CCDC6: variants seen among roughly 807,000 people sequenced by gnomAD.
CCDC6 encodes coiled-coil domain containing 6, also known as coiled-coil domain-containing protein 6.
In CCDC6, 20 loss-of-function variants were observed where a neutral mutation model predicts 56.6. The observed-to-expected ratio is 0.35, with a 90% CI of 0.25 to 0.51. CCDC6 has a LOEUF of 0.51. Ranked by LOEUF, CCDC6 falls within the 20% of genes least tolerant of loss-of-function variation. The pLI, the probability that CCDC6 is intolerant of heterozygous loss-of-function variation, is 0.95. For synonymous variants in CCDC6, 241 were observed against 234.4 expected (o/e 1.03, Z -0.26); for missense variants, 367 against 601.1 (o/e 0.61, Z 4.07).
At chr10:59,831,078 A>C (rs1355631204) in intron 3 of CCDC6, among the ~76,000 whole-genome samples, 1 of 152,238 alleles carries the variant, frequency 6.6e-6, no homozygotes, top group East Asian at 1.9e-4. Flanking sequence ...TAACTTGAAC[A>C]GAACTGGAGC....
chr10:59,847,538 T>G (rs1431332235), intron 2 of CCDC6, among the ~76,000 whole-genome samples: 8 of 152,116 alleles, frequency 5.3e-5, no homozygotes. Flanking sequence ...GGGGGTTCAG[T>G]GCACTGCTGC....
chr10:59,832,709 A>G, intron 2 of CCDC6, 56 bp from the exon 3 acceptor site: 1 of 1,573,866 alleles, frequency 6.4e-7, no homozygotes, highest in Non-Finnish European at 8.6e-7. Flanking sequence ...TGCCATGGAA[A>G]CACTGGCTCC....
At chr10:59,801,884 C>T (rs993657787) in intron 7 of CCDC6, among the ~76,000 whole-genome samples, 2 of 152,154 alleles carry the variant, frequency 1.3e-5, no homozygotes, top group African/African-American at 2.4e-5. Context: ...CTTGTTTACT[C>T]TTTTGCACTA....
chr10:59,829,718 C>G (rs947326741), intron 3 of CCDC6, among the ~76,000 whole-genome samples: 1 of 152,096 alleles, frequency 6.6e-6, no homozygotes, highest in South Asian at 2.1e-4. Context: ...AATACACAGA[C>G]AGAAAGTAGA....
In CCDC6 at chr10:59,876,068, G is replaced by C. The variant is rs148692798; in HGVS notation, c.304-23366C>G. On this transcript the variant is annotated intron_variant, in intron 1 of 8. Transcript: ENST00000263102. ...ACACACATACACGAGTGCATGCACA[G>C]ATGTCTTTTTTTTTTTTTTTTTTCA... Among the ~76,000 whole-genome samples the C allele has an allele frequency of 1.6e-3, 14 of 8,522 alleles. 1 individual carries two copies. Among genetic ancestry groups the C allele is most frequent in the African/African-American group, 7.6e-3 (14 of 1,836 alleles). 5.6% of individuals were successfully genotyped at this position (8,522 alleles called of 152,430 possible). A position where few individuals can be genotyped will look rare whatever the true frequency, so the allele number is the denominator to read the frequency against.
At chr10:59,845,120 G>T (rs1474137604) in intron 2 of CCDC6, among the ~76,000 whole-genome samples, 1 of 152,102 alleles carries the variant, frequency 6.6e-6, no homozygotes, top group Non-Finnish European at 1.5e-5. Context: ...ATCGATAGTG[G>T]GGCCTAGTAT....
At chr10:59,874,358 CATATT>C (rs1420193775) in intron 1 of CCDC6, among the ~76,000 whole-genome samples, 14 of 152,124 alleles carry the variant, frequency 9.2e-5, no homozygotes, top group Non-Finnish European at 1.9e-4. Flanking sequence ...TTTTATCAAA[CATATT>C]AAAATTATCA....
intron 2 of CCDC6, among the ~76,000 whole-genome samples, chr10:59,847,253 C>A (rs2071000603): frequency 1.3e-5 from 2 of 149,538 alleles, no homozygotes; most frequent in South Asian, 4.2e-4. Context: ...CAGGGTTTCA[C>A]TATGTTAGCC....
chr10:59,855,820 G>A (rs959892249), intron 1 of CCDC6, among the ~76,000 whole-genome samples: 10 of 152,176 alleles, frequency 6.6e-5, no homozygotes, highest in Admixed American at 5.2e-4. Flanking sequence ...TGTATTCACA[G>A]AGGACCAGTT....
At chr10:59,872,635 G>C (rs1195873384) in intron 1 of CCDC6, among the ~76,000 whole-genome samples, 1 of 152,144 alleles carries the variant, frequency 6.6e-6, no homozygotes. Flanking sequence ...AGTAAAGAGG[G>C]ACGGAAGGTT....
At chr10:59,814,855 C>T (rs1428607373) in intron 3 of CCDC6, 100 bp from the exon 4 acceptor site, 1 of 750,734 alleles carries the variant, frequency 1.3e-6, no homozygotes, top group Non-Finnish European at 2.3e-6. Context: ...TTGGAGAATA[C>T]TGCAAACATG....
rs1341147215 is a variant in CCDC6, at chr10:59,792,862, A to G, written c.*55T>C. 4 of 1,559,446 alleles carry G rather than the reference A, an allele frequency of 2.6e-6. No individual in the cohort carries two copies. The South Asian group carries it at 4.4e-5, about 17-fold the overall frequency. On this transcript the variant is annotated 3_prime_UTR_variant, in exon 9 of 9. Coordinates refer to ENST00000263102, the MANE Select transcript of CCDC6 (RefSeq NM_005436.5). ...CCAGAGAAGGAAGCCTTTGGCGTTG[A>G]GTAGACGGCTCCATTGGATGAGTCC...
At chr10:59,838,036 C>G (rs535185741) in intron 2 of CCDC6, among the ~76,000 whole-genome samples, 1 of 152,070 alleles carries the variant, frequency 6.6e-6, no homozygotes. Flanking sequence ...TCTCAAGAAC[C>G]GACTTGTCAG....
At chr10:59,862,085 G>A (rs1423480834) in intron 1 of CCDC6, among the ~76,000 whole-genome samples, 1 of 152,068 alleles carries the variant, frequency 6.6e-6, no homozygotes, top group Non-Finnish European at 1.5e-5. Context: ...CAGAGAAAAA[G>A]GACAGTATAA....
rs981166686 is a variant in CCDC6, at chr10:59,790,428, T to C, written c.*2489A>G. ...CCGACTGAGGGAAGTCAGCTTCCCA[T>C]AGGTGAGGGGGCTGTTGCCATTATG... On this transcript the variant is annotated 3_prime_UTR_variant, in exon 9 of 9. Coordinates refer to ENST00000263102, the MANE Select transcript of CCDC6 (RefSeq NM_005436.5). 4.6e-6 allele frequency: 1 copy of C among 216,626 alleles called. No homozygotes were observed. Among genetic ancestry groups the C allele is most frequent in the East Asian group, 6.8e-5 (1 of 14,712 alleles). 13.4% of individuals were successfully genotyped at this position (216,626 alleles called of 1,614,324 possible). A position where few individuals can be genotyped will look rare whatever the true frequency, so the allele number is the denominator to read the frequency against.
intron 1 of CCDC6, among the ~76,000 whole-genome samples, chr10:59,893,330 G>A (rs890410038): frequency 1.3e-5 from 2 of 151,974 alleles, no homozygotes; most frequent in African/African-American, 4.8e-5. Flanking sequence ...CGGGTATGGT[G>A]GCTTATGCCT....
intron 1 of CCDC6, among the ~76,000 whole-genome samples, chr10:59,901,143 G>A (rs1204031191): frequency 3.9e-5 from 6 of 152,132 alleles, no homozygotes; most frequent in Admixed American, 6.6e-5. Flanking sequence ...GAAAAAACTC[G>A]TAAATGCTGA....
chr10:59,883,363 C>T (rs74409277), intron 1 of CCDC6, among the ~76,000 whole-genome samples: 2,554 of 152,176 alleles, frequency 0.017, 31 homozygotes, highest in Middle Eastern at 0.044. Context: ...GTATCAATAC[C>T]TTGCAAAGGT....
chr10:59,894,997 A>C (rs1480318240), intron 1 of CCDC6, among the ~76,000 whole-genome samples: 2 of 152,170 alleles, frequency 1.3e-5, no homozygotes, highest in African/African-American at 4.8e-5. Context: ...AATGCCCATG[A>C]GATGAAGATA....
Sources: allele counts gnomAD v4.1 joint callset (sites outside exome capture counted in the v4.1 genomes callset), GRCh38; gene constraint gnomAD v4.1.1; transcripts MANE v1.5; gene names NCBI Gene and HGNC (gene_info 2026-07-23, HGNC 2026-07-21).